The following TENM2 variants were observed in gnomAD, a reference collection of about 807,000 sequenced individuals.
TENM2 encodes the protein teneurin transmembrane protein 2, also known as teneurin-2.
Under a neutral mutation model 245.2 loss-of-function variants are expected in TENM2, and 52 were observed. That is an observed-to-expected ratio of 0.21 (90% CI 0.17 to 0.27). The LOEUF (loss-of-function observed/expected upper bound fraction) is 0.27. TENM2 is among the 10% of genes least tolerant of loss of function. TENM2 has a pLI of 1.00. For missense variants in TENM2, 3,046 were observed against 3,666.8 expected (o/e 0.83, Z 4.37); for synonymous variants, 1,363 against 1,438.9 (o/e 0.95, Z 1.19).
In TENM2 at chr5:167,385,856, ATGTGTGTGTGTGTGTGTGTGTGTGTG is replaced by A. The variant is rs60407919; in HGVS notation, c.502+10403_502+10428del. Among the ~76,000 whole-genome samples, 29 of 139,060 alleles carry A rather than the reference ATGTGTGTGTGTGTGTGTGTGTGTGTG, an allele frequency of 2.1e-4. 1 individual carries two copies. The highest frequency in any genetic ancestry group is 4.2e-4 in the Non-Finnish European group (27 of 64,860). 91.2% of individuals were successfully genotyped at this position (139,060 alleles called of 152,430 possible). On this transcript the variant is annotated intron_variant, in intron 2 of 28. Coordinates refer to ENST00000518659, the Ensembl canonical transcript of TENM2. ...CTGAGTAGTATTCCATTATATATATATGTGTGTGTGTGTGTGTGTGTGTGTGTGTGTGTGTGTGTGTGTGTTACAGT... is the reference window on the plus strand; with the variant it reads ...CTGAGTAGTATTCCATTATATATATATGTGTGTGTGTGTGTGTGTTACAGT...
At chr5:167,311,685 T>A (rs927941103) in intron 1 of TENM2, among the ~76,000 whole-genome samples, 7 of 152,198 alleles carry the variant, frequency 4.6e-5, no homozygotes, top group African/African-American at 1.7e-4. Flanking sequence ...ACATCTGTAT[T>A]TAAAATTATG....
intron 2 of TENM2, among the ~76,000 whole-genome samples, chr5:167,645,626 G>T (rs1779878923): frequency 6.6e-6 from 1 of 151,188 alleles, no homozygotes; most frequent in Non-Finnish European, 1.5e-5. Flanking sequence ...AGGATTAAAG[G>T]GAAATAGACA....
intron 2 of TENM2, among the ~76,000 whole-genome samples, chr5:167,512,148 T>C (rs1199600170): frequency 1.3e-5 from 2 of 152,192 alleles, no homozygotes; most frequent in African/African-American, 4.8e-5. Flanking sequence ...AAAAACACCT[T>C]GAATTCATTA....
intron 13 of TENM2, among the ~76,000 whole-genome samples, chr5:168,168,975 C>A (rs1369142847): frequency 6.6e-6 from 1 of 152,138 alleles, no homozygotes; most frequent in African/African-American, 2.4e-5. Context: ...GCAAACATGA[C>A]ATATGTCCAC....
intron 2 of TENM2, among the ~76,000 whole-genome samples, chr5:167,823,592 T>C (rs997664947): frequency 2.6e-5 from 4 of 152,170 alleles, no homozygotes. Context: ...CCTGTTATTA[T>C]ATACTCAGCC....
At chr5:167,260,951 A>G in the TENM2 span, among the ~76,000 whole-genome samples, 2 of 152,208 alleles carry the variant, frequency 1.3e-5, no homozygotes, top group Non-Finnish European at 2.9e-5. Flanking sequence ...TAGGTCTTTA[A>G]ATCCTCATAA....
intron 7 of TENM2, among the ~76,000 whole-genome samples, chr5:168,079,009 A>G (rs1257802054): frequency 6.6e-6 from 1 of 152,146 alleles, no homozygotes; most frequent in Non-Finnish European, 1.5e-5. Flanking sequence ...GAATCTATAA[A>G]TTACCTTCAG....
At chr5:167,724,501 C>T (rs1759853415) in intron 2 of TENM2, among the ~76,000 whole-genome samples, 1 of 151,460 alleles carries the variant, frequency 6.6e-6, no homozygotes, top group South Asian at 2.1e-4. Flanking sequence ...AATAAGATGC[C>T]CAACTTTCAT....
chr5:167,589,347 A>G (rs1046750357), intron 2 of TENM2, among the ~76,000 whole-genome samples: 2 of 152,186 alleles, frequency 1.3e-5, no homozygotes, highest in African/African-American at 2.4e-5. Context: ...CAATAGTTGA[A>G]TATTATCAAA....
chr5:167,645,118 T>C (rs78426604), intron 2 of TENM2, among the ~76,000 whole-genome samples: 6 of 152,214 alleles, frequency 3.9e-5, no homozygotes, highest in Non-Finnish European at 1.5e-5. Context: ...CTGTCATACA[T>C]GGGGTCTGAA....
chr5:168,062,336 C>A, intron 7 of TENM2, 71 bp downstream of exon 9: 2 of 1,180,294 alleles, frequency 1.7e-6, no homozygotes, highest in Middle Eastern at 2.0e-4. Context: ...TGTATATATG[C>A]CACTTCACAT....
At chr5:168,187,399 G>A (rs1368640864) in intron 13 of TENM2, 2 of 152,152 alleles carry the variant, frequency 1.3e-5, no homozygotes, top group African/African-American at 4.8e-5. Flanking sequence ...TGGAGCGGGT[G>A]GTAAATGGGT....
At position 167,834,879 on chromosome 5, in the gene TENM2, T is replaced by A. The variant is rs560460536; in HGVS notation, c.503-41107T>A. 5.9e-5 allele frequency among the ~76,000 whole-genome samples: 9 copies of A among 152,262 alleles called. No individual in the cohort carries two copies. In the South Asian group the frequency reaches 1.9e-3, roughly 32 times the overall value. On this transcript the variant is annotated intron_variant, in intron 2 of 28. Coordinates refer to ENST00000518659, the Ensembl canonical transcript of TENM2. ...GTTAGCCAGGATGGTCTCGATCTCC[T>A]GACCTCGTGATCCGCCCGCCTCGGC... is the stretch of plus-strand genomic sequence containing the variant.
chr5:167,947,041 C>T (rs1250312309), intron 3 of TENM2, among the ~76,000 whole-genome samples: 3 of 152,136 alleles, frequency 2.0e-5, no homozygotes, highest in Non-Finnish European at 2.9e-5. Flanking sequence ...CTCCTGGCCA[C>T]GTCACTTAGT....
chr5:168,249,529 T>C (rs1423948278), intron 27 of TENM2, among the ~76,000 whole-genome samples: 2 of 151,816 alleles, frequency 1.3e-5, no homozygotes, highest in Non-Finnish European at 2.9e-5. Flanking sequence ...GAAGGGCTCA[T>C]GTCAAAATGG....
chr5:167,453,921 A>G (rs1199615636), intron 2 of TENM2, among the ~76,000 whole-genome samples: 3 of 152,172 alleles, frequency 2.0e-5, no homozygotes, highest in Non-Finnish European at 2.9e-5. Flanking sequence ...CCTGTCTATA[A>G]TGGTTTTAAG....
chr5:167,799,191 G>A (rs1214685114), intron 2 of TENM2, among the ~76,000 whole-genome samples: 1 of 152,194 alleles, frequency 6.6e-6, no homozygotes, highest in African/African-American at 2.4e-5. Context: ...TCTCCCAGCA[G>A]GGTAAATGGC....
chr5:168,052,760 G>A (rs1789218747), intron 6 of TENM2, among the ~76,000 whole-genome samples: 1 of 151,810 alleles, frequency 6.6e-6, no homozygotes, highest in African/African-American at 2.4e-5. Flanking sequence ...ACCATTCTCG[G>A]TTTATAACTC....
chr5:167,795,720 G>A (rs1583029576), intron 2 of TENM2, among the ~76,000 whole-genome samples: 2 of 152,246 alleles, frequency 1.3e-5, no homozygotes, highest in East Asian at 3.9e-4. Flanking sequence ...ATTGTTAAAT[G>A]CAGGAAAATA....
Sources: allele counts gnomAD v4.1 joint callset (sites outside exome capture counted in the v4.1 genomes callset), GRCh38; gene constraint gnomAD v4.1.1; transcripts MANE v1.5; gene names NCBI Gene and HGNC (gene_info 2026-07-23, HGNC 2026-07-21).